The following UBE4A variants were observed in gnomAD, a reference collection of about 807,000 sequenced individuals.
The protein encoded by UBE4A is ubiquitin conjugation factor E4 A.
Under a neutral mutation model 117.9 loss-of-function variants are expected in UBE4A, and 48 were observed. The ratio of observed to expected loss-of-function variants is 0.41; its 90% CI spans 0.32 to 0.52. The LOEUF is 0.52. Among genes scored for constraint, UBE4A ranks in the 20% least tolerant of loss-of-function variants. The pLI, the probability that UBE4A is intolerant of heterozygous loss-of-function variation, is 0.33. For missense variants in UBE4A, 1,067 were observed against 1,296.3 expected (o/e 0.82, Z 2.72); for synonymous variants, 407 against 450.0 (o/e 0.90, Z 1.21).
chr11:118,390,887 A>G, intron 18 of UBE4A, 83 bp downstream of exon 18: 12 of 1,542,448 alleles, frequency 7.8e-6, no homozygotes, highest in Middle Eastern at 1.7e-4. Flanking sequence ...CTGTAGTCCC[A>G]GCTACTTAAG....
intron 16 of UBE4A, among the ~76,000 whole-genome samples, chr11:118,387,761 A>G (rs1467718959): frequency 6.6e-6 from 1 of 152,224 alleles, no homozygotes; most frequent in Non-Finnish European, 1.5e-5. Flanking sequence ...TTGCACTTCC[A>G]ACAGTGTCAT....
At chr11:118,361,327 TAGG>T (rs1948519721) in intron 1 of UBE4A, among the ~76,000 whole-genome samples, 1 of 152,164 alleles carries the variant, frequency 6.6e-6, no homozygotes, top group Non-Finnish European at 1.5e-5. Context: ...GCGCTGAAAA[TAGG>T]AGATTATAAA....
intron 19 of UBE4A, among the ~76,000 whole-genome samples, chr11:118,394,847 T>C (rs1948854791): frequency 6.8e-6 from 1 of 146,018 alleles, no homozygotes; most frequent in African/African-American, 2.5e-5. Flanking sequence ...GGCACATGCC[T>C]GTAGTCCTAG....
intron 8 of UBE4A, 53 bp from the exon 9 acceptor site, chr11:118,374,843 A>G: frequency 1.4e-6 from 2 of 1,413,320 alleles, no homozygotes; most frequent in Non-Finnish European, 1.9e-6. Context: ...GTTTGGGAAT[A>G]AAAACTATTA....
intron 16 of UBE4A, among the ~76,000 whole-genome samples, chr11:118,388,814 G>A (rs779551283): frequency 6.6e-6 from 1 of 151,852 alleles, no homozygotes. Context: ...TAAAAATGAT[G>A]TAAAACAGAC....
chr11:118,371,411 T>C, intron 4 of UBE4A, 103 bp from the exon 5 acceptor site: 1 of 1,387,136 alleles, frequency 7.2e-7, no homozygotes, highest in South Asian at 1.5e-5. Flanking sequence ...CATTCAAATC[T>C]GTGATTCTTG....
chr11:118,366,808 C>A (rs1458487791), intron 2 of UBE4A, among the ~76,000 whole-genome samples: 1 of 152,216 alleles, frequency 6.6e-6, no homozygotes, highest in Non-Finnish European at 1.5e-5. Context: ...GTGGCTCGCG[C>A]CTGTAATCCC....
rs1201531752 is a variant in UBE4A at position 118,385,856 on chromosome 11, T to TA, written c.2413-581dup. Among the ~76,000 whole-genome samples, 53 of 152,230 alleles carry TA rather than the reference T, an allele frequency of 3.5e-4. 1 individual carries two copies. Among genetic ancestry groups the TA allele is most frequent in the Non-Finnish European group, 2.9e-5 (2 of 68,042 alleles). On this transcript the variant is annotated intron_variant, in intron 15 of 19. Coordinates refer to ENST00000252108, the MANE Select transcript of UBE4A (RefSeq NM_001204077.2). ...CTTCAAAAGCGAGAATAGGTCCTGT[T>TA]ACAAACAGGCCCTTTTAAGCAAGAG... is the stretch of plus-strand genomic sequence containing the variant.
intron 2 of UBE4A, among the ~76,000 whole-genome samples, chr11:118,367,562 C>T (rs1018373693): frequency 4.7e-5 from 7 of 148,804 alleles, no homozygotes; most frequent in African/African-American, 1.0e-4. Flanking sequence ...GCTCTGTCAC[C>T]GAGGCTGGAG....
At chr11:118,394,277 T>C (rs1948847882) in intron 19 of UBE4A, among the ~76,000 whole-genome samples, 1 of 152,130 alleles carries the variant, frequency 6.6e-6, no homozygotes, top group Middle Eastern at 3.2e-3. Context: ...CATCTCAGCC[T>C]CACCAAGTAA....
At chr11:118,364,018 G>A (rs371127216) in intron 1 of UBE4A, among the ~76,000 whole-genome samples, 1 of 152,044 alleles carries the variant, frequency 6.6e-6, no homozygotes, top group East Asian at 1.9e-4. Flanking sequence ...CCCTACTCCC[G>A]CTATTTCTAA....
chr11:118,360,676 A>C (rs1477804344), intron 1 of UBE4A, among the ~76,000 whole-genome samples: 1 of 152,232 alleles, frequency 6.6e-6, no homozygotes, highest in Non-Finnish European at 1.5e-5. Context: ...GTCTGATGTT[A>C]ACACACTTGT....
In UBE4A at chr11:118,384,678, C is replaced by T; in HGVS notation, c.2241C>T (p.Pro747=). 6.2e-7 allele frequency: 1 copy of T among 1,614,020 alleles called. No individual in the cohort carries two copies. The highest frequency in any genetic ancestry group is 8.5e-7 in the Non-Finnish European group (1 of 1,179,976). Residue 747 remains proline, a synonymous_variant, in exon 14 of 20, where the codon CCC becomes CCT. Coordinates refer to ENST00000252108, the MANE Select transcript of UBE4A (RefSeq NM_001204077.2). ...QFEQKFNYRR[P]MYPILRYMWG... is the part of the protein sequence containing the mutation. ...AACAGAAGTTTAATTACCGCCGTCC[C>T]ATGTATCCTATCCTAAGATACATGT...
intron 19 of UBE4A, 125 bp downstream of exon 19, chr11:118,393,020 T>C (rs1948834013): frequency 2.0e-6 from 2 of 988,658 alleles, no homozygotes; most frequent in South Asian, 1.8e-5. Context: ...TTTACTGATA[T>C]GTTGGAAGAC....
chr11:118,372,437 T>A, intron 5 of UBE4A, 70 bp from the exon 6 acceptor site: 1 of 1,483,134 alleles, frequency 6.7e-7, no homozygotes, highest in Non-Finnish European at 9.1e-7. Context: ...TTCTATTGTA[T>A]TCACTATGTC....
intron 2 of UBE4A, among the ~76,000 whole-genome samples, chr11:118,365,914 T>C (rs1473830822): frequency 2.0e-5 from 3 of 152,202 alleles, no homozygotes; most frequent in Non-Finnish European, 4.4e-5. Flanking sequence ...AGAATTAGGA[T>C]TTTTCTCAAA....
chr11:118,396,557 T>A lies in UBE4A; in HGVS notation c.*117T>A. ...TCTTCTTTTCTTTTTCTTTTTTTTT[T>A]TTTTTTTTACTAAATTAGAGAACTG... On this transcript the variant is annotated 3_prime_UTR_variant, in exon 20 of 20. Transcript: ENST00000252108. 1 of 1,313,544 alleles carries A rather than the reference T, an allele frequency of 7.6e-7. No homozygotes were observed. Among genetic ancestry groups the A allele is most frequent in the Non-Finnish European group, 1.0e-6 (1 of 993,792 alleles). The allele number at this position is 1,313,544 out of a possible 1,614,324, so 81.4% of individuals were successfully genotyped here. A position where few individuals can be genotyped will look rare whatever the true frequency, so the allele number is the denominator to read the frequency against.
intron 11 of UBE4A, among the ~76,000 whole-genome samples, chr11:118,380,359 G>C (rs1205948036): frequency 1.3e-5 from 2 of 152,028 alleles, no homozygotes; most frequent in African/African-American, 4.8e-5. Flanking sequence ...GAAACAGGAT[G>C]ATTACTTGAG....
chr11:118,363,147 A>G (rs1948533400), intron 1 of UBE4A, among the ~76,000 whole-genome samples: 1 of 152,198 alleles, frequency 6.6e-6, no homozygotes, highest in African/African-American at 2.4e-5. Flanking sequence ...CTTGTGCGGT[A>G]ATTACATGGG....
Sources: gnomAD v4.1 joint callset for allele counts (sites outside exome capture counted in the v4.1 genomes callset) on GRCh38, gnomAD v4.1.1 for gene constraint, MANE v1.5 for transcripts, NCBI Gene and HGNC (gene_info 2026-07-23, HGNC 2026-07-21) for gene names.